RNF150: variants seen among roughly 807,000 people sequenced by gnomAD.
The protein encoded by RNF150 is ring finger protein 150.
A neutral mutation model predicts 39.3 loss-of-function variants in RNF150; 24 were observed. The ratio of observed to expected loss-of-function variants is 0.61; its 90% CI spans 0.44 to 0.86. RNF150 has a LOEUF of 0.86. Ranked by LOEUF, RNF150 falls within the 40% of genes least tolerant of loss-of-function variation. RNF150 has a pLI of 0.00. For missense variants in RNF150, 502 were observed against 587.8 expected (o/e 0.85, Z 1.51); for synonymous variants, 255 against 227.3 (o/e 1.12, Z -1.10).
intron 1 of RNF150, among the ~76,000 whole-genome samples, chr4:141,080,520 C>A (rs888175485): frequency 6.6e-5 from 10 of 152,132 alleles, no homozygotes; most frequent in African/African-American, 1.9e-4. Flanking sequence ...TAATTAGTTT[C>A]ATTTCATATT....
rs7672823 is a variant in RNF150 at position 141,119,414 on chromosome 4, C to T, written c.484+12911G>A. The stretch of plus-strand genomic sequence containing the variant: ...ATTCCTTCTAGCCACAGTCAGGGCC[C>T]CTTGAGGCATCTGGTCTACCACATG... On this transcript the variant is annotated intron_variant, in intron 1 of 6. Transcript: ENST00000515673. Among the ~76,000 whole-genome samples the T allele has an allele frequency of 7.9e-5, 12 of 152,292 alleles. No individual in the cohort carries two copies. The South Asian group carries it at 1.0e-3, about 13-fold the overall frequency.
At chr4:141,034,542 G>A (rs1167625722) in intron 1 of RNF150, among the ~76,000 whole-genome samples, 1 of 152,062 alleles carries the variant, frequency 6.6e-6, no homozygotes, top group African/African-American at 2.4e-5. Flanking sequence ...GGTTTAAGAG[G>A]CCTAGTTTTC....
chr4:141,029,472 T>C (rs1179699799), intron 1 of RNF150, among the ~76,000 whole-genome samples: 2 of 152,230 alleles, frequency 1.3e-5, no homozygotes, highest in African/African-American at 4.8e-5. Flanking sequence ...GAGTGTACTT[T>C]ATATACTAGT....
chr4:140,883,311 T>C (rs1043183143), intron 6 of RNF150, among the ~76,000 whole-genome samples: 2 of 152,214 alleles, frequency 1.3e-5, no homozygotes, highest in African/African-American at 4.8e-5. Context: ...ATTACAGTAT[T>C]TATGCACCAC....
At chr4:141,140,881 G>C (rs1363006844) in intron 1 of RNF150, among the ~76,000 whole-genome samples, 1 of 152,220 alleles carries the variant, frequency 6.6e-6, no homozygotes, top group African/African-American at 2.4e-5. Flanking sequence ...AGCAATCTAG[G>C]ACAATTGAGG....
In RNF150 at chr4:140,862,234, C is replaced by T. The variant is rs886542085; in HGVS notation, c.*6027G>A. Reference sequence around the variant, plus strand: ...CCTCACTGTGTTCAGACATTGCAGACCTCTTAATAGACGTGTATATTTTTG... The same window carrying T: ...CCTCACTGTGTTCAGACATTGCAGATCTCTTAATAGACGTGTATATTTTTG... On this transcript the variant is annotated 3_prime_UTR_variant, in exon 7 of 7. Transcript: ENST00000515673. 1 of 152,166 alleles carries T rather than the reference C, an allele frequency of 6.6e-6. No individual in the cohort carries two copies. The highest frequency in any genetic ancestry group is 2.4e-5 in the African/African-American group (1 of 41,438). The allele number at this position is 152,166 out of a possible 1,614,324, so 9.4% of individuals were successfully genotyped here. A position where few individuals can be genotyped will look rare whatever the true frequency, so the allele number is the denominator to read the frequency against.
intron 1 of RNF150, among the ~76,000 whole-genome samples, chr4:141,152,266 G>C (rs1171352718): frequency 3.3e-5 from 5 of 152,098 alleles, no homozygotes; most frequent in African/African-American, 1.2e-4. Context: ...GTCCCTGAAG[G>C]GTGGATTGAA....
intron 1 of RNF150, among the ~76,000 whole-genome samples, chr4:141,167,504 A>G (rs1727625390): frequency 6.6e-6 from 1 of 151,608 alleles, no homozygotes; most frequent in South Asian, 2.1e-4. Context: ...TTAAACAAAG[A>G]AGAAAGTGAG....
chr4:140,921,958 G>A (rs1382098576), intron 5 of RNF150, among the ~76,000 whole-genome samples: 5 of 151,000 alleles, frequency 3.3e-5, no homozygotes, highest in African/African-American at 1.2e-4. Flanking sequence ...AGGTATTGAT[G>A]GGACGTATCT....
In RNF150 at chr4:140,867,226, A is replaced by G. The variant is rs1334435279; in HGVS notation, c.*1035T>C. ...GCTAGGTGCTACTGCAGCCCCCACT[A>G]TGTTTGCCATTGGACTTAAAAATGA... On this transcript the variant is annotated 3_prime_UTR_variant, in exon 7 of 7. Coordinates refer to ENST00000515673, the MANE Select transcript of RNF150 (RefSeq NM_020724.2). 6.6e-6 allele frequency: 1 copy of G among 152,128 alleles called. No individual in the cohort carries two copies. Among genetic ancestry groups the G allele is most frequent in the Admixed American group, 6.6e-5 (1 of 15,258 alleles). 9.4% of individuals were successfully genotyped at this position (152,128 alleles called of 1,614,324 possible).
chr4:140,974,638 G>C (rs1733595999), intron 1 of RNF150, among the ~76,000 whole-genome samples: 1 of 152,126 alleles, frequency 6.6e-6, no homozygotes, highest in Non-Finnish European at 1.5e-5. Flanking sequence ...GAATGATTCA[G>C]TTTCTTAGTA....
intron 1 of RNF150, among the ~76,000 whole-genome samples, chr4:141,001,702 AAG>A (rs1734673056): frequency 6.6e-6 from 1 of 152,118 alleles, no homozygotes; most frequent in Non-Finnish European, 1.5e-5. Context: ...TGTAAGCACA[AAG>A]AGTAAGTATG....
At chr4:140,917,624 A>G (rs891079559) in intron 5 of RNF150, among the ~76,000 whole-genome samples, 1 of 152,242 alleles carries the variant, frequency 6.6e-6, no homozygotes, top group African/African-American at 2.4e-5. Flanking sequence ...AACATTAGAC[A>G]GATCAACGAG....
intron 1 of RNF150, among the ~76,000 whole-genome samples, chr4:141,048,477 T>C (rs879330822): frequency 6.6e-6 from 1 of 152,092 alleles, no homozygotes; most frequent in Non-Finnish European, 1.5e-5. Context: ...ATGGGTATAA[T>C]CCCAACACTT....
intron 1 of RNF150, among the ~76,000 whole-genome samples, chr4:141,157,045 A>T (rs1415890263): frequency 1.3e-5 from 2 of 152,216 alleles, no homozygotes; most frequent in Non-Finnish European, 2.9e-5. Context: ...CACAACTAAA[A>T]GTTGTCCACT....
chr4:141,209,768 T>C (rs553349875), intron 1 of RNF150, among the ~76,000 whole-genome samples: 181 of 151,404 alleles, frequency 1.2e-3, no homozygotes, highest in African/African-American at 4.3e-3. Flanking sequence ...GGGGTATCTA[T>C]AAAAAAAAAC....
At chr4:141,113,003 C>T (rs1020635988) in intron 1 of RNF150, among the ~76,000 whole-genome samples, 9 of 151,764 alleles carry the variant, frequency 5.9e-5, no homozygotes, top group East Asian at 1.9e-4. Context: ...ACCTTTCTTC[C>T]GCTTGATCTA....
chr4:140,985,954 A>C (rs1400150722), intron 1 of RNF150, among the ~76,000 whole-genome samples: 2 of 152,104 alleles, frequency 1.3e-5, no homozygotes, highest in Non-Finnish European at 2.9e-5. Context: ...CTGGTGTATA[A>C]AAAGATTAAG....
At chr4:141,041,693 C>A (rs1736379839) in intron 1 of RNF150, among the ~76,000 whole-genome samples, 1 of 151,964 alleles carries the variant, frequency 6.6e-6, no homozygotes, top group African/African-American at 2.4e-5. Flanking sequence ...TATATTGCTA[C>A]TTTTGATGAT....
Sources: allele counts gnomAD v4.1 joint callset (sites outside exome capture counted in the v4.1 genomes callset), GRCh38; gene constraint gnomAD v4.1.1; transcripts MANE v1.5; gene names NCBI Gene and HGNC (gene_info 2026-07-23, HGNC 2026-07-21).